The following NALF1 variants were observed in gnomAD, a reference collection of about 807,000 sequenced individuals.
NALF1 encodes the protein family with sequence similarity 155 member A.
A neutral mutation model predicts 48.4 loss-of-function variants in NALF1; 3 were observed. The ratio of observed to expected loss-of-function variants is 0.06; its 90% CI spans 0.03 to 0.16. The LOEUF (loss-of-function observed/expected upper bound fraction) is 0.16, where lower values mean the gene tolerates loss of function less well. NALF1 is among the 10% of genes least tolerant of loss of function. NALF1 has a pLI of 1.00. For synonymous variants in NALF1, 262 were observed against 245.7 expected, an observed-to-expected ratio of 1.07 and a Z score of -0.62; for missense variants, 526 against 571.5, an observed-to-expected ratio of 0.92 and a Z score of 0.81.
At chr13:107,721,109 TACACACAC>T (rs66578211) in intron 1 of NALF1, among the ~76,000 whole-genome samples, 3,219 of 143,890 alleles carry the variant, frequency 0.022, 96 homozygotes, top group African/African-American at 0.065. Flanking sequence ...CAGATCTCAA[TACACACAC>T]ACACACACAC....
chr13:107,316,881 T>C (rs1380139815), intron 1 of NALF1, among the ~76,000 whole-genome samples: 2 of 152,126 alleles, frequency 1.3e-5, no homozygotes, highest in Non-Finnish European at 2.9e-5. Context: ...TACTTTTACA[T>C]ATACACTGGT....
intron 1 of NALF1, among the ~76,000 whole-genome samples, chr13:107,463,632 T>C (rs1357651103): frequency 1.3e-5 from 2 of 152,130 alleles, no homozygotes; most frequent in Non-Finnish European, 2.9e-5. Context: ...TATTAAGTAT[T>C]TGAGGATAAG....
At chr13:107,612,333 T>C (rs1879253558) in intron 1 of NALF1, among the ~76,000 whole-genome samples, 1 of 152,088 alleles carries the variant, frequency 6.6e-6, no homozygotes, top group South Asian at 2.1e-4. Flanking sequence ...AAAAACGTTC[T>C]AGAGATCTGT....
chr13:107,306,102 T>C (rs959798303), intron 1 of NALF1, among the ~76,000 whole-genome samples: 37 of 152,192 alleles, frequency 2.4e-4, no homozygotes, highest in Admixed American at 2.2e-3. Context: ...CTTACTTCTT[T>C]ATATATGTTT....
intron 1 of NALF1, among the ~76,000 whole-genome samples, chr13:107,252,279 C>T (rs1392770891): frequency 2.0e-5 from 3 of 152,050 alleles, no homozygotes; most frequent in Non-Finnish European, 2.9e-5. Flanking sequence ...TCACGGTTCC[C>T]GGCCACAGCA....
intron 1 of NALF1, among the ~76,000 whole-genome samples, chr13:107,694,940 G>A (rs1197856780): frequency 1.3e-5 from 2 of 151,982 alleles, no homozygotes; most frequent in Non-Finnish European, 2.9e-5. Context: ...CTACAGGCAT[G>A]CTCCAACATG....
At chr13:107,644,344 G>A (rs565695391) in intron 1 of NALF1, among the ~76,000 whole-genome samples, 55 of 150,946 alleles carry the variant, frequency 3.6e-4, no homozygotes, top group African/African-American at 1.1e-3. Context: ...AGAAACATAC[G>A]TCTATTACTT....
At chr13:107,710,830 C>A (rs111535883) in intron 1 of NALF1, among the ~76,000 whole-genome samples, 2 of 147,520 alleles carry the variant, frequency 1.4e-5, no homozygotes, top group Admixed American at 6.7e-5. Flanking sequence ...TATACACATA[C>A]AGAGACACGT....
At chr13:107,230,468 T>C (rs1266915165) in intron 1 of NALF1, among the ~76,000 whole-genome samples, 1 of 152,180 alleles carries the variant, frequency 6.6e-6, no homozygotes, top group East Asian at 1.9e-4. Context: ...ATTGTGAATA[T>C]ATTGACGTTG....
chr13:107,812,448 T>G (rs948865207), intron 1 of NALF1, among the ~76,000 whole-genome samples: 1 of 152,124 alleles, frequency 6.6e-6, no homozygotes, highest in Non-Finnish European at 1.5e-5. Context: ...TATACAACAT[T>G]GACATATTTT....
intron 1 of NALF1, among the ~76,000 whole-genome samples, chr13:107,411,025 G>C (rs918842448): frequency 6.6e-6 from 1 of 152,036 alleles, no homozygotes; most frequent in Non-Finnish European, 1.5e-5. Flanking sequence ...GCTTGCAACT[G>C]GTCATCCAAT....
At chr13:107,609,344 G>A (rs967896269) in intron 1 of NALF1, among the ~76,000 whole-genome samples, 3 of 152,162 alleles carry the variant, frequency 2.0e-5, no homozygotes, top group Non-Finnish European at 4.4e-5. Context: ...TACCACCCTA[G>A]CTTCATCCCC....
chr13:107,396,788 C>CTATA (rs1883720302), intron 1 of NALF1, among the ~76,000 whole-genome samples: 1 of 152,200 alleles, frequency 6.6e-6, no homozygotes, highest in Non-Finnish European at 1.5e-5. Flanking sequence ...TCTCAGCAGT[C>CTATA]TATACTGCTC....
chr13:107,849,935 C>T (rs931984973), intron 1 of NALF1, among the ~76,000 whole-genome samples: 3 of 152,240 alleles, frequency 2.0e-5, no homozygotes, highest in African/African-American at 7.2e-5. Flanking sequence ...TCATGTGTTG[C>T]TAGAAATTGT....
At chr13:107,758,550 TCTC>T (rs1877179842) in intron 1 of NALF1, among the ~76,000 whole-genome samples, 2 of 151,662 alleles carry the variant, frequency 1.3e-5, no homozygotes, top group South Asian at 4.2e-4. Flanking sequence ...TGAAACCCCG[TCTC>T]TACTAAAAAT....
chr13:107,519,027 G>A (rs755507114), intron 1 of NALF1, among the ~76,000 whole-genome samples: 1 of 152,168 alleles, frequency 6.6e-6, no homozygotes, highest in Admixed American at 6.5e-5. Flanking sequence ...ATGTGCATCC[G>A]AGTCAGCCTT....
intron 1 of NALF1, among the ~76,000 whole-genome samples, chr13:107,613,038 C>T (rs1879280688): frequency 6.6e-6 from 1 of 151,100 alleles, no homozygotes; most frequent in Non-Finnish European, 1.5e-5. Context: ...AGAAATGAGT[C>T]CCGCCTCCCC....
chr13:107,498,819 G>A, intron 1 of NALF1, among the ~76,000 whole-genome samples: 1 of 152,176 alleles, frequency 6.6e-6, no homozygotes, highest in East Asian at 1.9e-4. Flanking sequence ...CATCGAGTTA[G>A]AGGCTGAAAG....
At chr13:107,555,351 C>T (rs771427658) in intron 1 of NALF1, among the ~76,000 whole-genome samples, 34 of 151,432 alleles carry the variant, frequency 2.2e-4, no homozygotes, top group Non-Finnish European at 3.5e-4. Flanking sequence ...CAGCTCACTG[C>T]AACCTCCGCC....
Sources: allele counts gnomAD v4.1 joint callset (sites outside exome capture counted in the v4.1 genomes callset), GRCh38; gene constraint gnomAD v4.1.1; transcripts MANE v1.5; gene names NCBI Gene and HGNC (gene_info 2026-07-23, HGNC 2026-07-21).